The following TTC28 variants were observed in gnomAD, a reference collection of about 807,000 sequenced individuals.
TTC28 encodes the protein tetratricopeptide repeat domain 28, also known as tetratricopeptide repeat protein 28.
Under a neutral mutation model 198.0 loss-of-function variants are expected in TTC28, and 61 were observed. The ratio of observed to expected loss-of-function variants is 0.31; its 90% CI spans 0.25 to 0.38. TTC28 has a LOEUF of 0.38. TTC28 is among the 10% of genes least tolerant of loss of function. The pLI, the probability that TTC28 is intolerant of heterozygous loss-of-function variation, is 1.00. For missense variants in TTC28, 2,678 were observed against 3,164.0 expected (o/e 0.85, Z 3.69); for synonymous variants, 1,171 against 1,297.8 (o/e 0.90, Z 2.10).
intron 1 of TTC28, among the ~76,000 whole-genome samples, chr22:28,641,466 C>T (rs1052289264): frequency 5.3e-5 from 8 of 152,010 alleles, no homozygotes; most frequent in African/African-American, 1.7e-4. Context: ...TAGACAAATC[C>T]ATTGATATGG....
chr22:28,030,445 C>A, intron 12 of TTC28, 79 bp from the exon 13 acceptor site: 1 of 1,512,786 alleles, frequency 6.6e-7, no homozygotes. Context: ...GGTCCTATGC[C>A]ATTCTGTCAC....
intron 5 of TTC28, among the ~76,000 whole-genome samples, chr22:28,204,375 G>A (rs1926221386): frequency 6.6e-6 from 1 of 152,122 alleles, no homozygotes; most frequent in Admixed American, 6.6e-5. Context: ...TGTCTAAACG[G>A]TAATAGTAAT....
intron 5 of TTC28, among the ~76,000 whole-genome samples, chr22:28,265,919 C>T (rs1931652139): frequency 6.6e-6 from 1 of 152,142 alleles, no homozygotes; most frequent in East Asian, 1.9e-4. Flanking sequence ...TTTTGCAGGG[C>T]ATGTAATCCC....
intron 2 of TTC28, among the ~76,000 whole-genome samples, chr22:28,606,435 G>C (rs1415036121): frequency 6.6e-6 from 1 of 152,072 alleles, no homozygotes; most frequent in Admixed American, 6.6e-5. Context: ...TCTTTAAAAA[G>C]TATGTAGGGG....
At chr22:28,238,878 C>T (rs1929447524) in intron 5 of TTC28, among the ~76,000 whole-genome samples, 1 of 152,190 alleles carries the variant, frequency 6.6e-6, no homozygotes, top group Admixed American at 6.5e-5. Context: ...GTTGCCCCTT[C>T]CTGTCTCTGT....
intron 5 of TTC28, among the ~76,000 whole-genome samples, chr22:28,187,884 C>A (rs910823262): frequency 3.3e-5 from 5 of 152,160 alleles, no homozygotes; most frequent in African/African-American, 1.2e-4. Flanking sequence ...CGTTCAAAGG[C>A]GATCAGCCTC....
At chr22:28,062,322 AAGTGCTGGGACTAC>A (rs1359615444) in intron 12 of TTC28, among the ~76,000 whole-genome samples, 1 of 151,618 alleles carries the variant, frequency 6.6e-6, no homozygotes, top group Non-Finnish European at 1.5e-5. Context: ...CGGCCTCCCA[AAGTGCTGGGACTAC>A]AGGCATGAGC....
chr22:28,051,420 AT>A (rs1392198111), intron 12 of TTC28, among the ~76,000 whole-genome samples: 1 of 152,190 alleles, frequency 6.6e-6, no homozygotes, highest in Non-Finnish European at 1.5e-5. Context: ...GTAATATAGG[AT>A]TTCCTTTGTT....
chr22:28,474,386 C>T (rs1360599311), intron 2 of TTC28, among the ~76,000 whole-genome samples: 1 of 152,104 alleles, frequency 6.6e-6, no homozygotes, highest in African/African-American at 2.4e-5. Context: ...GAGATGAAGA[C>T]AAGGCTAAAA....
chr22:28,470,795 A>G (rs1407247496), intron 2 of TTC28, among the ~76,000 whole-genome samples: 1 of 152,204 alleles, frequency 6.6e-6, no homozygotes, highest in Non-Finnish European at 1.5e-5. Context: ...TCAGTAAGGC[A>G]ATAATATAGA....
intron 2 of TTC28, among the ~76,000 whole-genome samples, chr22:28,545,179 C>T (rs2049511489): frequency 6.6e-6 from 1 of 152,102 alleles, no homozygotes; most frequent in South Asian, 2.1e-4. Flanking sequence ...AGGAACAAGG[C>T]AAGTATATAA....
intron 5 of TTC28, among the ~76,000 whole-genome samples, chr22:28,276,245 C>T (rs1932418454): frequency 6.6e-6 from 1 of 151,774 alleles, no homozygotes; most frequent in South Asian, 2.1e-4. Flanking sequence ...ACTCCTGAGC[C>T]GAAGTGATCT....
chr22:28,294,137 C>T (rs1043501900), intron 5 of TTC28, among the ~76,000 whole-genome samples: 1 of 151,978 alleles, frequency 6.6e-6, no homozygotes, highest in African/African-American at 2.4e-5. Flanking sequence ...GGAGAATATC[C>T]CAATAGGCAG....
rs1937455793 is a variant in TTC28 at position 27,992,594 on chromosome 22, A to T, written c.5546T>A (p.Ile1849Asn). 1 of 1,551,194 alleles carries T rather than the reference A, an allele frequency of 6.4e-7. No individual in the cohort carries two copies. The highest frequency in any genetic ancestry group is 1.2e-5 in the South Asian group (1 of 84,000). The change falls in exon 19 of 23, where the codon ATC becomes AAC. Residue 1849 changes from isoleucine (I) to asparagine (N), a missense_variant. By Grantham distance (149) the Ile-to-Asn change is moderately radical. Coordinates refer to ENST00000397906, the MANE Select transcript of TTC28 (RefSeq NM_001145418.2). ...CCTCCAGGCTCGACTTACCCGGCTG[A>T]TGAGCTGCTCGCCCGTCTCGGAGGC... ...ITASETGEQL[I>N]SRAVKNMVGM...
intron 2 of TTC28, among the ~76,000 whole-genome samples, chr22:28,369,323 T>C (rs116830674): frequency 0.016 from 2,443 of 152,128 alleles, 85 homozygotes; most frequent in African/African-American, 0.056. Context: ...AGAACATACA[T>C]TGGGGGAAAG....
At chr22:28,616,626 T>C (rs969050372) in intron 2 of TTC28, among the ~76,000 whole-genome samples, 3 of 151,750 alleles carry the variant, frequency 2.0e-5, no homozygotes, top group Admixed American at 6.6e-5. Context: ...CCAAGGCAAG[T>C]GGACTGCTTA....
chr22:28,607,541 A>T (rs1480266439), intron 2 of TTC28, among the ~76,000 whole-genome samples: 1 of 152,182 alleles, frequency 6.6e-6, no homozygotes, highest in African/African-American at 2.4e-5. Context: ...AGACAATTTT[A>T]TTGTAAATAT....
intron 3 of TTC28, among the ~76,000 whole-genome samples, chr22:28,301,546 T>C (rs1419857672): frequency 6.6e-6 from 1 of 152,228 alleles, no homozygotes; most frequent in Non-Finnish European, 1.5e-5. Flanking sequence ...CTAAGAGATA[T>C]ACTGTATTTC....
intron 2 of TTC28, among the ~76,000 whole-genome samples, chr22:28,442,440 C>G (rs2047639729): frequency 6.6e-6 from 1 of 152,238 alleles, no homozygotes; most frequent in African/African-American, 2.4e-5. Flanking sequence ...GGGGAAACGG[C>G]TGCCAGCGGC....
Sources: gnomAD v4.1 joint callset for allele counts (sites outside exome capture counted in the v4.1 genomes callset) on GRCh38, gnomAD v4.1.1 for gene constraint, MANE v1.5 for transcripts, NCBI Gene and HGNC (gene_info 2026-07-23, HGNC 2026-07-21) for gene names.